The following BIRC6 variants were observed in gnomAD, a reference collection of about 807,000 sequenced individuals.
BIRC6 encodes baculoviral IAP repeat containing 6, also known as dual E2 ubiquitin-conjugating enzyme/E3 ubiquitin-protein ligase BIRC6.
Under a neutral mutation model 503.3 loss-of-function variants are expected in BIRC6, and 98 were observed. The observed-to-expected ratio is 0.19, with a 90% CI of 0.17 to 0.23. BIRC6 has a LOEUF of 0.23. BIRC6 is among the 10% of genes least tolerant of loss of function. The pLI is 1.00. For synonymous variants in BIRC6, 2,240 were observed against 2,078.7 expected, an observed-to-expected ratio of 1.08 and a Z score of -2.11; for missense variants, 5,360 against 5,806.0, an observed-to-expected ratio of 0.92 and a Z score of 2.50.
Position 32,441,384 on chromosome 2 carries a change from A to T in BIRC6, c.3866A>T (p.Asn1289Ile). 6.2e-7 allele frequency: 1 copy of T among 1,608,158 alleles called. No homozygotes were observed. The highest frequency in any genetic ancestry group is 8.5e-7 in the Non-Finnish European group (1 of 1,175,566). ...ENTSGTRKSE[N>I]LRGCDLLQEV... is the part of the protein sequence containing the mutation. ...ACAAGTGGCACCCGTAAATCTGAAA[A>T]CCTCCGGGGCTGTGATTTACTTCAA... Residue 1289 changes from asparagine to isoleucine, a missense_variant, in exon 17 of 74, where the codon AAC becomes ATC. Asn to Ile is a moderately radical substitution (Grantham distance 149). Coordinates refer to ENST00000421745, the MANE Select transcript of BIRC6 (RefSeq NM_016252.4).
intron 10 of BIRC6, among the ~76,000 whole-genome samples, chr2:32,426,187 T>C (rs527915507): frequency 1.8e-4 from 28 of 152,228 alleles, no homozygotes; most frequent in Non-Finnish European, 3.7e-4. Context: ...TTTTGAGTTA[T>C]ATTTTGGTGG....
intron 65 of BIRC6, among the ~76,000 whole-genome samples, chr2:32,568,330 A>C (rs2059676060): frequency 6.6e-6 from 1 of 151,548 alleles, no homozygotes; most frequent in Non-Finnish European, 1.5e-5. Context: ...AACTCTACGA[A>C]AAAATAGAAA....
intron 1 of BIRC6, 77 bp from the exon 2 acceptor site, chr2:32,377,511 G>T: frequency 1.7e-6 from 2 of 1,181,168 alleles, no homozygotes; most frequent in Non-Finnish European, 1.2e-6. Context: ...ATTGTGTTTA[G>T]TCACTATGTA....
chr2:32,571,253 C>G (rs1026412399), intron 65 of BIRC6, among the ~76,000 whole-genome samples: 2 of 151,880 alleles, frequency 1.3e-5, no homozygotes, highest in African/African-American at 2.4e-5. Flanking sequence ...AGCATATTAC[C>G]GGCCTCATAA....
intron 15 of BIRC6, among the ~76,000 whole-genome samples, chr2:32,439,303 A>G (rs2045133189): frequency 6.6e-6 from 1 of 152,094 alleles, no homozygotes; most frequent in Non-Finnish European, 1.5e-5. Flanking sequence ...GTTTTATGCT[A>G]TTCATATCAT....
chr2:32,412,802 T>C (rs2149973271), intron 9 of BIRC6, among the ~76,000 whole-genome samples: 1 of 152,304 alleles, frequency 6.6e-6, no homozygotes, highest in Non-Finnish European at 1.5e-5. Context: ...CAATCTTTTT[T>C]AATGGATATT....
At chr2:32,410,975 C>G (rs1050188814) in intron 9 of BIRC6, among the ~76,000 whole-genome samples, 10 of 152,162 alleles carry the variant, frequency 6.6e-5, no homozygotes, top group Non-Finnish European at 1.5e-4. Flanking sequence ...GCTGGGATTA[C>G]AGGCGTGAGC....
intron 16 of BIRC6, among the ~76,000 whole-genome samples, chr2:32,440,852 C>G (rs1359586252): frequency 3.3e-5 from 5 of 151,636 alleles, no homozygotes; most frequent in Admixed American, 1.3e-4. Context: ...AGCCTCCACC[C>G]ACTGAGTTCA....
At chr2:32,402,020 A>G (rs1237697989) in intron 8 of BIRC6, among the ~76,000 whole-genome samples, 3 of 152,220 alleles carry the variant, frequency 2.0e-5, no homozygotes, top group African/African-American at 7.2e-5. Flanking sequence ...ACCTCAAATT[A>G]TGGCAGTGCT....
chr2:32,386,266 A>G (rs1046631176), intron 3 of BIRC6, among the ~76,000 whole-genome samples: 7 of 152,188 alleles, frequency 4.6e-5, no homozygotes, highest in Non-Finnish European at 7.3e-5. Flanking sequence ...TACCTACCAG[A>G]TATCAGGGGA....
At chr2:32,578,183 T>A (rs1366473690) in intron 66 of BIRC6, among the ~76,000 whole-genome samples, 1 of 152,204 alleles carries the variant, frequency 6.6e-6, no homozygotes, top group East Asian at 1.9e-4. Flanking sequence ...AGAGAATTCA[T>A]TTTCAGCTTC....
At chr2:32,567,607 C>G (rs887343576) in intron 65 of BIRC6, among the ~76,000 whole-genome samples, 7 of 152,192 alleles carry the variant, frequency 4.6e-5, no homozygotes, top group Non-Finnish European at 1.0e-4. Context: ...GGGAAAAGCA[C>G]TAAAGCTAAA....
In BIRC6 at chr2:32,524,877, T is replaced by C. The variant is rs2056119510; in HGVS notation, c.11624-11T>C. 7.1e-7 allele frequency: 1 copy of C among 1,416,782 alleles called. No individual in the cohort carries two copies. Among genetic ancestry groups the C allele is most frequent in the African/African-American group, 1.5e-5 (1 of 67,690 alleles). The allele number at this position is 1,416,782 out of a possible 1,614,324, so 87.8% of individuals were successfully genotyped here. A position where few individuals can be genotyped will look rare whatever the true frequency, so the allele number is the denominator to read the frequency against. On this transcript the variant is annotated splice_polypyrimidine_tract_variant and intron_variant, in intron 57 of 73. Coordinates refer to ENST00000421745, the MANE Select transcript of BIRC6 (RefSeq NM_016252.4). ...GAAAAGCAGTGTATTTTAGATAATA[T>C]CTTCTTACAGATACTCCAAGTATCA... is the stretch of plus-strand genomic sequence containing the variant.
In BIRC6 at chr2:32,423,519, T is replaced by C. The variant is rs36020144; in HGVS notation, c.2873-5627T>C. 7.6e-3 allele frequency among the ~76,000 whole-genome samples: 1,151 copies of C among 152,322 alleles called. 14 individuals carry two copies. Among genetic ancestry groups the C allele is most frequent in the Non-Finnish European group, 0.011 (755 of 68,026 alleles). On this transcript the variant is annotated intron_variant, in intron 10 of 73. Coordinates refer to ENST00000421745, the MANE Select transcript of BIRC6 (RefSeq NM_016252.4). ...TTCTACTTCTGTATGACTTTGCTTA[T>C]TGTAGATACCTCATATAAGTGGAAT...
Position 32,441,212 on chromosome 2 carries a change from G to T in BIRC6, c.3811-117G>T, listed in dbSNP as rs1023153679. 3 of 763,974 alleles carry T rather than the reference G, an allele frequency of 3.9e-6. No homozygotes were observed. The East Asian group carries it at 8.3e-5, about 21-fold the overall frequency. 47.3% of individuals were successfully genotyped at this position (763,974 alleles called of 1,614,324 possible). A position where few individuals can be genotyped will look rare whatever the true frequency, so the allele number is the denominator to read the frequency against. The stretch of plus-strand genomic sequence containing the variant: ...AGGGTACAAGCTATCATTTTAACTT[G>T]AGATTTATATTTTGATGGCCACAAT... On this transcript the variant is annotated intron_variant, in intron 16 of 73. Coordinates refer to ENST00000421745, the MANE Select transcript of BIRC6 (RefSeq NM_016252.4).
In BIRC6 at chr2:32,611,650, CT is replaced by C. The variant is rs545698482; in HGVS notation, c.14394+69del. On this transcript the variant is annotated intron_variant, in intron 73 of 73. Coordinates refer to ENST00000421745, the MANE Select transcript of BIRC6 (RefSeq NM_016252.4). ...TGTGTAATTATTGACAGAACCATGC[CT>C]ACCAGAAGATAATGGGAGGGAGGGA... 8.5e-5 allele frequency: 115 copies of C among 1,354,740 alleles called. 1 individual carries two copies. The South Asian group carries it at 2.2e-3, about 26-fold the overall frequency. 83.9% of individuals were successfully genotyped at this position (1,354,740 alleles called of 1,614,324 possible). A position where few individuals can be genotyped will look rare whatever the true frequency, so the allele number is the denominator to read the frequency against.
intron 5 of BIRC6, among the ~76,000 whole-genome samples, chr2:32,394,380 A>G (rs540881677): frequency 3.3e-5 from 5 of 152,254 alleles, no homozygotes; most frequent in Admixed American, 1.3e-4. Context: ...ATATATACAT[A>G]TATATATAAA....
chr2:32,439,175 TTGTG>T (rs957514092), intron 15 of BIRC6, among the ~76,000 whole-genome samples: 1 of 151,398 alleles, frequency 6.6e-6, no homozygotes, highest in Non-Finnish European at 1.5e-5. Flanking sequence ...AATGACAGTT[TTGTG>T]TGTGTGTGTG....
Position 32,592,472 on chromosome 2 carries a change from T to G in BIRC6, c.13356-1443T>G, listed in dbSNP as rs532488437. 2.6e-5 allele frequency among the ~76,000 whole-genome samples: 4 copies of G among 152,332 alleles called. No homozygotes were observed. In the South Asian group the frequency reaches 8.3e-4, roughly 32 times the overall value. On this transcript the variant is annotated intron_variant, in intron 66 of 73. Coordinates refer to ENST00000421745, the MANE Select transcript of BIRC6 (RefSeq NM_016252.4). Reference sequence around the variant, plus strand: ...TATTCTTCCTACCCACTTGAGTGGCTTCTGAGTTTACTGTTTATCTACCTT... The same window carrying G: ...TATTCTTCCTACCCACTTGAGTGGCGTCTGAGTTTACTGTTTATCTACCTT...
Sources: gnomAD v4.1 joint callset for allele counts (sites outside exome capture counted in the v4.1 genomes callset) on GRCh38, gnomAD v4.1.1 for gene constraint, MANE v1.5 for transcripts, NCBI Gene and HGNC (gene_info 2026-07-23, HGNC 2026-07-21) for gene names.